Variants in AEBP1 observed in about 807,000 individuals in gnomAD.
AEBP1 encodes adipocyte enhancer-binding protein 1.
A neutral mutation model predicts 116.5 loss-of-function variants in AEBP1; 69 were observed. The observed-to-expected ratio is 0.59, with a 90% CI of 0.49 to 0.72. The LOEUF is 0.72. AEBP1 is among the 30% of genes least tolerant of loss of function. The pLI is 0.00. For synonymous variants in AEBP1, 627 were observed against 627.3 expected (o/e 1.00, Z 0.01); for missense variants, 1,444 against 1,557.5 (o/e 0.93, Z 1.23).
At chr7:44,110,589 C>A in intron 11 of AEBP1, 136 bp from the exon 12 acceptor site, 1 of 998,868 alleles carries the variant, frequency 1.0e-6, no homozygotes, top group Non-Finnish European at 1.5e-6. Flanking sequence ...GGGCATAGGA[C>A]CCAGGCTCAA....
rs2096223040 is a variant in AEBP1 at position 44,106,535 on chromosome 7, A to G, written c.254-11A>G. 1.3e-6 allele frequency: 2 copies of G among 1,582,718 alleles called. No individual in the cohort carries two copies. Among genetic ancestry groups the G allele is most frequent in the African/African-American group, 1.4e-5 (1 of 73,854 alleles). On this transcript the variant is annotated splice_polypyrimidine_tract_variant and intron_variant, in intron 1 of 20. Coordinates refer to ENST00000223357, the MANE Select transcript of AEBP1 (RefSeq NM_001129.5). ...CTCTGTTCATTTGACACGAGTCTGC[A>G]TCTTGGACAGTGCCTCCGGAAAAGA...
chr7:44,107,679 G>C lies in AEBP1; in HGVS notation c.718G>C (p.Glu240Gln). The C allele has an allele frequency of 6.2e-7, 1 of 1,613,684 alleles. No individual in the cohort carries two copies. The highest frequency in any genetic ancestry group is 1.1e-5 in the South Asian group (1 of 91,076). The stretch of plus-strand genomic sequence containing the variant: ...CACACTGGACTACAATGACCAGATC[G>C]AGAGGGAGGACTATGAGGACTGTGA... The part of the protein sequence containing the change: ...QPTLDYNDQI[E>Q]REDYEDFEYI... Residue 240 changes from glutamate to glutamine, a missense_variant, in exon 4 of 21, where the codon GAG becomes CAG. By Grantham distance (29) the Glu-to-Gln change is conservative. Coordinates refer to ENST00000223357, the MANE Select transcript of AEBP1 (RefSeq NM_001129.5). The surrounding 1 kb of genome is among the most constrained non-coding windows in gnomAD (Gnocchi z 4.3).
rs931991322 is a variant in AEBP1 at position 44,107,956 on chromosome 7, G to T, written c.862+25G>T. On this transcript the variant is annotated intron_variant, in intron 5 of 20. Coordinates refer to ENST00000223357, the MANE Select transcript of AEBP1 (RefSeq NM_001129.5). The surrounding 1 kb of genome is among the most constrained non-coding windows in gnomAD (Gnocchi z 4.3). ...GGTAGGATGGGGGGCAGGAGAGGAG[G>T]TGCCATGGCCACGGCGCTCTGGCCC... is the stretch of plus-strand genomic sequence containing the variant. 2.7e-6 allele frequency: 4 copies of T among 1,459,042 alleles called. No homozygotes were observed. Among genetic ancestry groups the T allele is most frequent in the Middle Eastern group, 1.8e-4 (1 of 5,418 alleles). The allele number at this position is 1,459,042 out of a possible 1,614,324, so 90.4% of individuals were successfully genotyped here.
At position 44,113,211 on chromosome 7, in the gene AEBP1, G is replaced by T; in HGVS notation, c.2710-41G>T. The T allele has an allele frequency of 5.0e-6, 8 of 1,613,434 alleles. No individual in the cohort carries two copies. The highest frequency in any genetic ancestry group is 6.8e-6 in the Non-Finnish European group (8 of 1,179,692). On this transcript the variant is annotated intron_variant, in intron 19 of 20. Coordinates refer to ENST00000223357, the MANE Select transcript of AEBP1 (RefSeq NM_001129.5). This position sits in a 1 kb window ranked among gnomAD's most constrained non-coding sequence, Gnocchi z 5.3. ...GCGGGAGGGAGCAGCGGACCACATTGGACCTTCCTGAGGACCAGCAGCCCT... is the reference window on the plus strand; with the variant it reads ...GCGGGAGGGAGCAGCGGACCACATTTGACCTTCCTGAGGACCAGCAGCCCT...
intron 11 of AEBP1, 110 bp downstream of exon 11, chr7:44,110,456 AGGCC>A: frequency 6.6e-7 from 1 of 1,507,452 alleles, no homozygotes; most frequent in South Asian, 1.3e-5. Flanking sequence ...CAGCCAAAGA[AGGCC>A]AAAAAGATCA....
chr7:44,106,273 G>A (rs1363221626), intron 1 of AEBP1: 2 of 629,002 alleles, frequency 3.2e-6, no homozygotes, highest in African/African-American at 1.8e-5. Context: ...TTGGCAGGTG[G>A]GGGGATGAGG....
chr7:44,109,042 C>A, intron 7 of AEBP1, 65 bp from the exon 8 acceptor site: 1 of 1,610,306 alleles, frequency 6.2e-7, no homozygotes, highest in Non-Finnish European at 8.5e-7. Flanking sequence ...CTGCCTGATC[C>A]ACCCCACATG....
rs1216792785 is a variant in AEBP1, at chr7:44,112,541, C to G, written c.2218-17C>G. ...CCGGAGCTGCAGCCCTGGCCTCACA[C>G]GTGCTGGCCACTCCAGGTATCCACG... is the stretch of plus-strand genomic sequence containing the variant. On this transcript the variant is annotated splice_polypyrimidine_tract_variant and intron_variant, in intron 17 of 20. Transcript: ENST00000223357. The surrounding 1 kb of genome is among the most constrained non-coding windows in gnomAD (Gnocchi z 6.6). 3.9e-6 allele frequency: 6 copies of G among 1,557,176 alleles called. No homozygotes were observed. The South Asian group carries it at 6.0e-5, about 16-fold the overall frequency.
chr7:44,106,920 TCTGA>T (rs1562684572), intron 2 of AEBP1, 33 bp downstream of exon 2: 3 of 1,465,182 alleles, frequency 2.0e-6, no homozygotes, highest in Non-Finnish European at 1.8e-6. Context: ...GTGATGGGGC[TCTGA>T]CTGCCTGCTC....
chr7:44,110,602 C>A lies in AEBP1; in HGVS notation c.1401-123C>A. On this transcript the variant is annotated intron_variant, in intron 11 of 20. Coordinates refer to ENST00000223357, the MANE Select transcript of AEBP1 (RefSeq NM_001129.5). ...ACGGGCATAGGACCCAGGCTCAACA[C>A]CTGGGCCGTGCAGCACCACCCTGCT... The A allele has an allele frequency of 2.9e-6, 3 of 1,051,602 alleles. No homozygotes were observed. The South Asian group carries it at 4.6e-5, about 16-fold the overall frequency. 65.1% of individuals were successfully genotyped at this position (1,051,602 alleles called of 1,614,324 possible).
rs1306721597 is a variant in AEBP1, at chr7:44,111,943, C to G, written c.1930C>G (p.Arg644Gly). Residue 644 changes from arginine to glycine, a missense_variant, in exon 16 of 21, where the codon CGA (arginine) becomes GGA (glycine). By Grantham distance (125) the Arg-to-Gly change is moderately radical (BLOSUM62 -2). Coordinates refer to ENST00000223357, the MANE Select transcript of AEBP1 (RefSeq NM_001129.5). The surrounding 1 kb of genome is among the most constrained non-coding windows in gnomAD (Gnocchi z 4.7). ...LLLLLMQYLC[R>G]EYRDGNPRVR... is the part of the protein sequence containing the mutation. ...GCTGCTGCTCATGCAGTACCTGTGCCGAGAGTACCGCGATGGGAACCCACG... is the reference window on the plus strand; with the variant it reads ...GCTGCTGCTCATGCAGTACCTGTGCGGAGAGTACCGCGATGGGAACCCACG... The G allele has an allele frequency of 2.5e-6, 4 of 1,613,714 alleles. No homozygotes were observed. Among genetic ancestry groups the G allele is most frequent in the African/African-American group, 1.3e-5 (1 of 74,920 alleles).
In AEBP1 at chr7:44,108,017, G is replaced by A; in HGVS notation, c.873G>A (p.Val291=). 1 of 1,591,242 alleles carries A rather than the reference G, an allele frequency of 6.3e-7. No homozygotes were observed. The highest frequency in any genetic ancestry group is 8.5e-7 in the Non-Finnish European group (1 of 1,170,510). The change falls in exon 6 of 21, where the codon GTG becomes GTA. Residue 291 remains valine, a synonymous_variant. Transcript: ENST00000223357. This position sits in a 1 kb window ranked among gnomAD's most constrained non-coding sequence, Gnocchi z 5.0. Reference sequence around the variant, plus strand: ...TCCCCGCCTCCCCAGAGCCTCCTGTGAAGCCTCTGCTGCCCCCGCTGCCCC... The same window carrying A: ...TCCCCGCCTCCCCAGAGCCTCCTGTAAAGCCTCTGCTGCCCCCGCTGCCCC... ...PAPEERIEPP[V]KPLLPPLPPD...
At position 44,108,218 on chromosome 7, in the gene AEBP1, T is replaced by C. The variant is rs899358316; in HGVS notation, c.940+134T>C. 3.2e-5 allele frequency: 27 copies of C among 840,708 alleles called. No individual in the cohort carries two copies. The East Asian group carries it at 6.7e-4, about 21-fold the overall frequency. 52.1% of individuals were successfully genotyped at this position (840,708 alleles called of 1,614,324 possible). A position where few individuals can be genotyped will look rare whatever the true frequency, so the allele number is the denominator to read the frequency against. On this transcript the variant is annotated intron_variant, in intron 6 of 20. Transcript: ENST00000223357. The surrounding 1 kb of genome is among the most constrained non-coding windows in gnomAD (Gnocchi z 5.0). ...GTGCCCGTGGTTACCTCGCTGTCCCTGCTGTCCCTGCGTGCCCACCCCAGC... is the reference window on the plus strand; with the variant it reads ...GTGCCCGTGGTTACCTCGCTGTCCCCGCTGTCCCTGCGTGCCCACCCCAGC...
In AEBP1 at chr7:44,112,652, AC is replaced by A; in HGVS notation, c.2316del (p.Tyr773ThrfsTer54). ...AACGGCGGCGAGCGGCTAGTATCCT[AC>A]CCCTACGATATGGCCCGCACGCCTA... ...NLNGGERLVSYPYDMARTPTQ... is the reference protein window; with the variant it reads ...NLNGGERLVSXPYDMARTPTQ... On this transcript the variant is annotated frameshift_variant, in exon 18 of 21. Coordinates refer to ENST00000223357, the MANE Select transcript of AEBP1 (RefSeq NM_001129.5). LOFTEE classifies it high-confidence loss of function. This position sits in a 1 kb window ranked among gnomAD's most constrained non-coding sequence, Gnocchi z 6.6. 1 of 1,613,006 alleles carries A rather than the reference AC, an allele frequency of 6.2e-7. No homozygotes were observed. Among genetic ancestry groups the A allele is most frequent in the Non-Finnish European group, 8.5e-7 (1 of 1,179,934 alleles).
Position 44,108,960 on chromosome 7 carries a change from A to G in AEBP1, c.1002A>G (p.Glu334=). Residue 334 remains glutamate, a synonymous_variant, in exon 7 of 21, where the codon GAA becomes GAG. Transcript: ENST00000223357. The surrounding 1 kb of genome is among the most constrained non-coding windows in gnomAD (Gnocchi z 5.0). ...CCGATGCTGAGCGCCAGACAGACGA[A>G]GAGAAGGAGGAGCTGAGTGAGTGGG... ...QKPDAERQTD[E]EKEELKKPKK... 2 of 1,604,466 alleles carry G rather than the reference A, an allele frequency of 1.2e-6. No homozygotes were observed. Among genetic ancestry groups the G allele is most frequent in the Non-Finnish European group, 1.7e-6 (2 of 1,176,212 alleles).
chr7:44,111,627 C>G lies in AEBP1; in HGVS notation c.1837C>G (p.Leu613Val), dbSNP rs1488469212. 6.2e-7 allele frequency: 1 copy of G among 1,612,704 alleles called. No homozygotes were observed. Among genetic ancestry groups the G allele is most frequent in the Admixed American group, 1.7e-5 (1 of 59,624 alleles). The change falls in exon 15 of 21, where the codon CTG becomes GTG. Residue 613 changes from leucine (L) to valine (V), a missense_variant. Leu to Val is a conservative substitution (Grantham distance 32). Transcript: ENST00000223357. This position sits in a 1 kb window ranked among gnomAD's most constrained non-coding sequence, Gnocchi z 4.7. ...CTCAGACAACCCTGGGGAGCATGAACTGGGTGAGGGTCTGTGGGGGCCAGC... is the reference window on the plus strand; with the variant it reads ...CTCAGACAACCCTGGGGAGCATGAAGTGGGTGAGGGTCTGTGGGGGCCAGC... ...EISDNPGEHELGEPEFRYTAG... is the reference protein window; with the variant it reads ...EISDNPGEHEVGEPEFRYTAG...
chr7:44,111,579 C>G lies in AEBP1; in HGVS notation c.1789C>G (p.Leu597Val), dbSNP rs760919744. 1 of 1,613,136 alleles carries G rather than the reference C, an allele frequency of 6.2e-7. No homozygotes were observed. The highest frequency in any genetic ancestry group is 1.3e-5 in the African/African-American group (1 of 74,862). Residue 597 changes from leucine (L) to valine (V), a missense_variant, in exon 15 of 21, where the codon CTC becomes GTC. By Grantham distance (32) the Leu-to-Val change is conservative. Coordinates refer to ENST00000223357, the MANE Select transcript of AEBP1 (RefSeq NM_001129.5). The surrounding 1 kb of genome is among the most constrained non-coding windows in gnomAD (Gnocchi z 4.7). ...CAGCCTGGGCAAGAGCTCACGAGGC[C>G]TCAAGATCTATGCCATGGAGATCTC... ...TYSLGKSSRG[L>V]KIYAMEISDN... is the part of the protein sequence containing the mutation.
Position 44,107,184 on chromosome 7 carries a change from G to A in AEBP1, c.596-255G>A, listed in dbSNP as rs113249989. ...ATGGAGTTCCCTCCTGCCTTCTCCCGCTGGGGACAGCTTTGTGGTAGGGCC... is the reference window on the plus strand; with the variant it reads ...ATGGAGTTCCCTCCTGCCTTCTCCCACTGGGGACAGCTTTGTGGTAGGGCC... On this transcript the variant is annotated intron_variant, in intron 2 of 20. Transcript: ENST00000223357. This position sits in a 1 kb window ranked among gnomAD's most constrained non-coding sequence, Gnocchi z 4.3. Among the ~76,000 whole-genome samples, 1 of 152,158 alleles carries A rather than the reference G, an allele frequency of 6.6e-6. No individual in the cohort carries two copies. The highest frequency in any genetic ancestry group is 2.4e-5 in the African/African-American group (1 of 41,446).
chr7:44,109,566 A>C (rs1586048052), intron 9 of AEBP1: 1 of 603,098 alleles, frequency 1.7e-6, no homozygotes, highest in African/African-American at 1.9e-5. Context: ...GCAGCTCCCC[A>C]GGGCCCCTAG....
Sources: gnomAD v4.1 joint callset for allele counts (sites outside exome capture counted in the v4.1 genomes callset) on GRCh38, gnomAD v4.1.1 for gene constraint, Gnocchi (gnomAD v3.1) non-coding constraint, MANE v1.5 for transcripts, NCBI Gene and HGNC (gene_info 2026-07-23, HGNC 2026-07-21) for gene names.